NDUFAF2: variants seen among roughly 807,000 people sequenced by gnomAD.
NDUFAF2 encodes the protein NADH dehydrogenase [ubiquinone] 1 alpha subcomplex assembly factor 2.
In NDUFAF2, 13 loss-of-function variants were observed where a neutral mutation model predicts 22.8. The observed-to-expected ratio is 0.57, with a 90% CI of 0.37 to 0.91. The LOEUF (loss-of-function observed/expected upper bound fraction) is 0.91, where lower values mean the gene tolerates loss of function less well. Among genes scored for constraint, NDUFAF2 ranks in the 40% least tolerant of loss-of-function variants. The probability of loss-of-function intolerance (pLI) is 0.01; values close to 1 mark genes in which losing one functional copy is unlikely to be tolerated. For missense variants in NDUFAF2, 162 were observed against 195.2 expected (o/e 0.83, Z 1.01); for synonymous variants, 53 against 64.2 (o/e 0.83, Z 0.84).
chr5:61,121,830 CT>C (rs947178059), intron 3 of NDUFAF2, among the ~76,000 whole-genome samples: 9 of 143,400 alleles, frequency 6.3e-5, no homozygotes, highest in Non-Finnish European at 9.2e-5. Context: ...CTTTTCTTTT[CT>C]TTTTTTTTTC....
At chr5:61,060,181 G>A (rs1334277194) in intron 1 of NDUFAF2, among the ~76,000 whole-genome samples, 3 of 152,000 alleles carry the variant, frequency 2.0e-5, no homozygotes, top group Non-Finnish European at 4.4e-5. Context: ...ACATTGCTTG[G>A]TGAACAGCAA....
intron 3 of NDUFAF2, among the ~76,000 whole-genome samples, chr5:61,107,046 TACAC>T (rs59521177): frequency 0.11 from 13,997 of 123,932 alleles, 924 homozygotes; most frequent in African/African-American, 0.16. Context: ...TGGATAAATA[TACAC>T]ACACACACAC....
At chr5:61,119,269 C>T (rs545943635) in intron 3 of NDUFAF2, among the ~76,000 whole-genome samples, 1 of 152,332 alleles carries the variant, frequency 6.6e-6, no homozygotes, top group East Asian at 1.9e-4. Flanking sequence ...CATCAGGCAT[C>T]TGGTATATGC....
At chr5:61,124,555 C>G (rs1162091350) in intron 3 of NDUFAF2, among the ~76,000 whole-genome samples, 3 of 151,854 alleles carry the variant, frequency 2.0e-5, no homozygotes. Context: ...CTGTCTAGTC[C>G]TGTGTTTTCC....
At chr5:61,089,474 A>G (rs1020346112) in intron 2 of NDUFAF2, among the ~76,000 whole-genome samples, 1 of 152,172 alleles carries the variant, frequency 6.6e-6, no homozygotes, top group African/African-American at 2.4e-5. Context: ...CATTTGTTGT[A>G]TGTAGTAGTT....
chr5:61,000,353 A>T (rs1288578904), intron 1 of NDUFAF2, among the ~76,000 whole-genome samples: 1 of 152,096 alleles, frequency 6.6e-6, no homozygotes, highest in Non-Finnish European at 1.5e-5. Context: ...ACCAGCCCCC[A>T]TCAGATTTAC....
intron 3 of NDUFAF2, among the ~76,000 whole-genome samples, chr5:61,139,091 G>A (rs531696268): frequency 2.3e-4 from 35 of 152,252 alleles, no homozygotes; most frequent in African/African-American, 7.2e-4. Context: ...GTTATATCCC[G>A]ATAAACCCAT....
chr5:61,027,663 C>G (rs1214833413), intron 1 of NDUFAF2, among the ~76,000 whole-genome samples: 2 of 151,940 alleles, frequency 1.3e-5, no homozygotes, highest in African/African-American at 4.8e-5. Context: ...CCCTCTCTTT[C>G]TTTCTTCCCT....
At chr5:61,023,037 C>T (rs191936128) in intron 1 of NDUFAF2, among the ~76,000 whole-genome samples, 1 of 152,202 alleles carries the variant, frequency 6.6e-6, no homozygotes, top group Non-Finnish European at 1.5e-5. Context: ...TTTTCCTAGA[C>T]CCGGGAAGGG....
intron 1 of NDUFAF2, among the ~76,000 whole-genome samples, chr5:60,989,679 T>C (rs987561108): frequency 5.9e-5 from 9 of 152,168 alleles, no homozygotes; most frequent in African/African-American, 2.2e-4. Context: ...TTCTCTCTTA[T>C]GAGTGGGAGC....
At chr5:60,988,802 C>CA (rs1340465320) in intron 1 of NDUFAF2, among the ~76,000 whole-genome samples, 1 of 151,990 alleles carries the variant, frequency 6.6e-6, no homozygotes, top group Non-Finnish European at 1.5e-5. Flanking sequence ...GCTGTAAATG[C>CA]AAAATCTAAA....
intron 2 of NDUFAF2, among the ~76,000 whole-genome samples, chr5:61,083,942 C>T (rs1380310975): frequency 1.3e-5 from 2 of 151,756 alleles, no homozygotes; most frequent in African/African-American, 2.4e-5. Context: ...CTTCTATTCT[C>T]ATGCGTAAGC....
chr5:61,073,344 C>A, intron 2 of NDUFAF2, 130 bp downstream of exon 2: 1 of 740,460 alleles, frequency 1.4e-6, no homozygotes, highest in Non-Finnish European at 2.4e-6. Flanking sequence ...ATGTTTGAAA[C>A]TTTGTTTTTT....
At chr5:61,041,844 T>C (rs1397205526) in intron 1 of NDUFAF2, among the ~76,000 whole-genome samples, 1 of 152,184 alleles carries the variant, frequency 6.6e-6, no homozygotes, top group African/African-American at 2.4e-5. Flanking sequence ...TACTTAAAAA[T>C]TATTTTCTCT....
intron 3 of NDUFAF2, among the ~76,000 whole-genome samples, chr5:61,102,951 T>C (rs1037744285): frequency 6.6e-6 from 1 of 152,084 alleles, no homozygotes; most frequent in Non-Finnish European, 1.5e-5. Flanking sequence ...ATTTAAAAGA[T>C]TGACAACAGC....
At chr5:60,966,827 G>A (rs1008278167) in intron 1 of NDUFAF2, among the ~76,000 whole-genome samples, 5 of 152,052 alleles carry the variant, frequency 3.3e-5, no homozygotes, top group Non-Finnish European at 7.4e-5. Context: ...GCTATTTAGA[G>A]TCTTTGGTGG....
intron 1 of NDUFAF2, among the ~76,000 whole-genome samples, chr5:61,000,003 C>G (rs955022305): frequency 7.9e-5 from 12 of 152,012 alleles, no homozygotes; most frequent in African/African-American, 2.7e-4. Context: ...CTGGAATTTG[C>G]ATAATGACTT....
intron 1 of NDUFAF2, among the ~76,000 whole-genome samples, chr5:60,954,747 C>A (rs62365452): frequency 6.6e-6 from 1 of 150,504 alleles, no homozygotes; most frequent in East Asian, 2.0e-4. Flanking sequence ...GCTCTGCTGT[C>A]CTTTTTTTTT....
rs770117039 is a variant in NDUFAF2, at chr5:60,945,393, G to GGCGTGGGCAGCGATT, written c.127+18_127+32dup. On this transcript the variant is annotated intron_variant, in intron 1 of 3. Coordinates refer to ENST00000296597, the MANE Select transcript of NDUFAF2 (RefSeq NM_174889.5). Reference sequence around the variant, plus strand: ...ACAAGAACTGGAGAGGTGAGGTGGCGGCGTGGGCAGCGATTGCGTGGTCAG... The same window carrying GGCGTGGGCAGCGATT: ...ACAAGAACTGGAGAGGTGAGGTGGCGGCGTGGGCAGCGATTGCGTGGGCAGCGATTGCGTGGTCAG... 19 of 1,614,108 alleles carry GGCGTGGGCAGCGATT rather than the reference G, an allele frequency of 1.2e-5. No homozygotes were observed. Among genetic ancestry groups the GGCGTGGGCAGCGATT allele is most frequent in the East Asian group, 4.5e-5 (2 of 44,884 alleles).
Sources: allele counts gnomAD v4.1 joint callset (sites outside exome capture counted in the v4.1 genomes callset), GRCh38; gene constraint gnomAD v4.1.1; transcripts MANE v1.5; gene names NCBI Gene and HGNC (gene_info 2026-07-23, HGNC 2026-07-21).